The following R3HDM1 variants were observed in gnomAD, a reference collection of about 807,000 sequenced individuals.
The protein encoded by R3HDM1 is R3H domain containing 1.
R3HDM1 carries 46 observed loss-of-function variants against 141.1 expected under a neutral mutation model. That is an observed-to-expected ratio of 0.33 (90% confidence interval 0.26 to 0.42). The LOEUF (loss-of-function observed/expected upper bound fraction) is 0.42, where lower values mean the gene tolerates loss of function less well. Among genes scored for constraint, R3HDM1 ranks in the 10% least tolerant of loss-of-function variants. The pLI is 1.00. For synonymous variants in R3HDM1, 435 were observed against 472.9 expected, an observed-to-expected ratio of 0.92 and a Z score of 1.04; for missense variants, 1,184 against 1,368.3, an observed-to-expected ratio of 0.87 and a Z score of 2.12.
chr2:135,701,693 G>A (rs1408534672), intron 21 of R3HDM1, among the ~76,000 whole-genome samples: 1 of 152,166 alleles, frequency 6.6e-6, no homozygotes, highest in Admixed American at 6.5e-5. Flanking sequence ...TGGGCAAAGG[G>A]ATGATTCACA....
At position 135,559,048 on chromosome 2, in the gene R3HDM1, AAAGTGTGTGTGTGTGTGT is replaced by A. The variant is rs1453813943; in HGVS notation, c.-250+27416_-250+27433del. 7.4e-6 allele frequency: 7 copies of A among 951,726 alleles called. No homozygotes were observed. In the African/African-American group the frequency reaches 1.6e-4, roughly 21 times the overall value. The allele number at this position is 951,726 out of a possible 1,614,324, so 59.0% of individuals were successfully genotyped here. ...TTATCAGTGGTATTTATGATTCCAC[AAAGTGTGTGTGTGTGTGT>A]GTGTGTGTGTGTGTGTGTGTGTGTG... On this transcript the variant is annotated intron_variant, in intron 1 of 26. Coordinates refer to ENST00000683871, the MANE Select transcript of R3HDM1 (RefSeq NM_001378107.1).
At chr2:135,636,301 A>C (rs969087667) in intron 11 of R3HDM1, 118 bp downstream of exon 11, 3 of 1,422,014 alleles carry the variant, frequency 2.1e-6, no homozygotes, top group African/African-American at 2.9e-5. Context: ...GTTGCACATA[A>C]GGTCATCTTT....
At chr2:135,654,569 C>T (rs1014493393) in intron 18 of R3HDM1, among the ~76,000 whole-genome samples, 1 of 152,054 alleles carries the variant, frequency 6.6e-6, no homozygotes, top group Non-Finnish European at 1.5e-5. Context: ...CTGCCTCAGC[C>T]CCCCGAGTAG....
intron 2 of R3HDM1, among the ~76,000 whole-genome samples, chr2:135,604,451 T>A (rs2059876097): frequency 6.6e-6 from 1 of 152,186 alleles, no homozygotes. Context: ...ATTCTTTTTT[T>A]AAATGTAAAA....
At chr2:135,631,622 G>T in intron 7 of R3HDM1, 96 bp from the exon 8 acceptor site, 2 of 939,344 alleles carry the variant, frequency 2.1e-6, no homozygotes, top group South Asian at 2.2e-5. Flanking sequence ...TAGTTTTTAG[G>T]GGGTGAAATT....
At chr2:135,698,980 C>CAGAA in intron 21 of R3HDM1, among the ~76,000 whole-genome samples, 1 of 78,188 alleles carries the variant, frequency 1.3e-5, no homozygotes, top group South Asian at 5.0e-4. Flanking sequence ...ATATTACACT[C>CAGAA]AGATAGATAG....
At chr2:135,585,371 T>A (rs1707647026) in intron 1 of R3HDM1, among the ~76,000 whole-genome samples, 1 of 152,226 alleles carries the variant, frequency 6.6e-6, no homozygotes, top group Non-Finnish European at 1.5e-5. Context: ...ACTTAACATT[T>A]TAGTGACATA....
chr2:135,708,829 G>A (rs1051092556), intron 21 of R3HDM1, among the ~76,000 whole-genome samples: 1 of 151,852 alleles, frequency 6.6e-6, no homozygotes, highest in Admixed American at 6.6e-5. Context: ...TGTGGTGGCA[G>A]ACACCTGTAA....
At chr2:135,682,506 A>G (rs2070500302) in intron 21 of R3HDM1, among the ~76,000 whole-genome samples, 1 of 152,212 alleles carries the variant, frequency 6.6e-6, no homozygotes, top group African/African-American at 2.4e-5. Context: ...TTTTAAGCAT[A>G]AGAGCAGAAT....
intron 21 of R3HDM1, among the ~76,000 whole-genome samples, chr2:135,696,551 G>T (rs1036047510): frequency 6.6e-6 from 1 of 152,046 alleles, no homozygotes; most frequent in Non-Finnish European, 1.5e-5. Context: ...GAATGCAGTG[G>T]TGTGATCCTG....
chr2:135,694,855 A>C (rs2105389432), intron 21 of R3HDM1, among the ~76,000 whole-genome samples: 1 of 152,314 alleles, frequency 6.6e-6, no homozygotes, highest in Middle Eastern at 3.4e-3. Flanking sequence ...CAGGAAAAGA[A>C]CCACTCAAAA....
chr2:135,577,821 A>G (rs1355574481), intron 1 of R3HDM1, among the ~76,000 whole-genome samples: 1 of 149,400 alleles, frequency 6.7e-6, no homozygotes, highest in Non-Finnish European at 1.5e-5. Context: ...CTGGGCAACA[A>G]GAATGAAACT....
chr2:135,715,490 G>A, intron 23 of R3HDM1, 60 bp from the exon 24 acceptor site: 1 of 1,542,222 alleles, frequency 6.5e-7, no homozygotes, highest in South Asian at 1.2e-5. Context: ...TAATCAGGAA[G>A]AATAAAAAAT....
intron 1 of R3HDM1, among the ~76,000 whole-genome samples, chr2:135,576,020 T>C (rs1316840846): frequency 6.6e-6 from 1 of 152,214 alleles, no homozygotes; most frequent in East Asian, 1.9e-4. Flanking sequence ...ATTGAATCTG[T>C]GTGCTACTGT....
At chr2:135,693,404 A>G (rs2072746381) in intron 21 of R3HDM1, among the ~76,000 whole-genome samples, 1 of 152,170 alleles carries the variant, frequency 6.6e-6, no homozygotes, top group Non-Finnish European at 1.5e-5. Context: ...ATGAAGACCA[A>G]CAACTTAGGA....
chr2:135,705,639 AAAAT>A (rs934746617), intron 21 of R3HDM1, among the ~76,000 whole-genome samples: 1 of 152,276 alleles, frequency 6.6e-6, no homozygotes, highest in East Asian at 1.9e-4. Context: ...TTGTCTGTTT[AAAAT>A]AAATAAATAA....
intron 1 of R3HDM1, among the ~76,000 whole-genome samples, chr2:135,539,605 T>A (rs1192189249): frequency 6.6e-6 from 1 of 152,182 alleles, no homozygotes; most frequent in East Asian, 1.9e-4. Context: ...GCGAGTCATA[T>A]ACATTTTTGG....
intron 1 of R3HDM1, among the ~76,000 whole-genome samples, chr2:135,552,954 C>G (rs984144385): frequency 6.6e-6 from 1 of 152,012 alleles, no homozygotes; most frequent in Non-Finnish European, 1.5e-5. Context: ...TCATAGCTCA[C>G]TGCAGCCTCA....
chr2:135,622,004 TTTTA>T, intron 6 of R3HDM1: 1 of 984,140 alleles, frequency 1.0e-6, no homozygotes, highest in Middle Eastern at 5.2e-4. Context: ...AGTGTTTATT[TTTTA>T]TAAGTTTGGA....
Sources: gnomAD v4.1 joint callset for allele counts (sites outside exome capture counted in the v4.1 genomes callset) on GRCh38, gnomAD v4.1.1 for gene constraint, MANE v1.5 for transcripts, NCBI Gene and HGNC (gene_info 2026-07-23, HGNC 2026-07-21) for gene names.